CYTH1: variants seen among roughly 807,000 people sequenced by gnomAD.
CYTH1 encodes cytohesin-1.
Under a neutral mutation model 61.8 loss-of-function variants are expected in CYTH1, and 18 were observed. The observed-to-expected ratio is 0.29, with a 90% CI of 0.20 to 0.43. CYTH1 has a LOEUF of 0.43. CYTH1 is among the 20% of genes least tolerant of loss of function. The pLI is 1.00. For synonymous variants in CYTH1, 174 were observed against 184.3 expected (o/e 0.94, Z 0.45); for missense variants, 336 against 510.5 (o/e 0.66, Z 3.29).
At chr17:78,754,885 T>C (rs1256730525) in intron 1 of CYTH1, among the ~76,000 whole-genome samples, 1 of 152,130 alleles carries the variant, frequency 6.6e-6, no homozygotes, top group Non-Finnish European at 1.5e-5. Context: ...TAACCTCTAT[T>C]ATATTTTATA....
At chr17:78,733,724 G>A (rs913649297) in intron 1 of CYTH1, among the ~76,000 whole-genome samples, 1 of 152,242 alleles carries the variant, frequency 6.6e-6, no homozygotes, top group Non-Finnish European at 1.5e-5. Flanking sequence ...GAACTTGAAG[G>A]ACCAACGGAT....
chr17:78,719,504 G>A (rs1432390345), intron 1 of CYTH1, among the ~76,000 whole-genome samples: 1 of 152,160 alleles, frequency 6.6e-6, no homozygotes, highest in East Asian at 1.9e-4. Context: ...GCTTGGTTTA[G>A]GGGAACTTTT....
rs1598850545 is a variant in CYTH1 at position 78,701,974 on chromosome 17, C to T, written c.356+148G>A. On this transcript the variant is annotated intron_variant, in intron 5 of 13. Coordinates refer to ENST00000446868, the MANE Select transcript of CYTH1 (RefSeq NM_004762.6). The stretch of plus-strand genomic sequence containing the variant: ...CCCAGAAAAGACCCATCACTATTCC[C>T]CAGAAAAGCCTCCCCTCAACTCCAG... 6 of 778,956 alleles carry T rather than the reference C, an allele frequency of 7.7e-6. No homozygotes were observed. The East Asian group carries it at 1.5e-4, about 19-fold the overall frequency. 48.3% of individuals were successfully genotyped at this position (778,956 alleles called of 1,614,324 possible).
intron 1 of CYTH1, among the ~76,000 whole-genome samples, chr17:78,776,917 G>A (rs1052343559): frequency 2.0e-5 from 3 of 150,090 alleles, no homozygotes; most frequent in Non-Finnish European, 4.4e-5. Context: ...CCTGAGGTCG[G>A]GAGTTCGAGA....
intron 1 of CYTH1, among the ~76,000 whole-genome samples, chr17:78,732,092 C>T (rs2093297978): frequency 6.6e-6 from 1 of 152,220 alleles, no homozygotes; most frequent in Non-Finnish European, 1.5e-5. Context: ...AACTCTACCT[C>T]CTATCTGCAT....
intron 1 of CYTH1, among the ~76,000 whole-genome samples, chr17:78,719,776 G>A (rs1301477916): frequency 6.6e-6 from 1 of 152,174 alleles, no homozygotes; most frequent in Admixed American, 6.5e-5. Context: ...TAGCAAAGGG[G>A]TGTGACTAGA....
At chr17:78,764,543 T>G (rs1398808354) in intron 1 of CYTH1, among the ~76,000 whole-genome samples, 3 of 152,124 alleles carry the variant, frequency 2.0e-5, no homozygotes, top group African/African-American at 4.8e-5. Flanking sequence ...AAGTCAACAG[T>G]GAGGAACTCA....
At chr17:78,687,716 G>A (rs1212241113) in intron 11 of CYTH1, among the ~76,000 whole-genome samples, 1 of 152,208 alleles carries the variant, frequency 6.6e-6, no homozygotes, top group African/African-American at 2.4e-5. Context: ...TTTGAAAGCA[G>A]CCACTTGATC....
chr17:78,776,300 T>A (rs1244891757), intron 1 of CYTH1, among the ~76,000 whole-genome samples: 2 of 152,072 alleles, frequency 1.3e-5, no homozygotes, highest in African/African-American at 2.4e-5. Flanking sequence ...TCCCTTAAAG[T>A]GCATTATATG....
chr17:78,753,803 T>A (rs2093390100), intron 1 of CYTH1, among the ~76,000 whole-genome samples: 1 of 152,216 alleles, frequency 6.6e-6, no homozygotes. Flanking sequence ...TTCTTTAGAG[T>A]AACCTTTAAT....
intron 10 of CYTH1, among the ~76,000 whole-genome samples, chr17:78,692,826 A>G (rs946430185): frequency 6.6e-6 from 1 of 152,094 alleles, no homozygotes; most frequent in African/African-American, 2.4e-5. Context: ...CAAAAAGCCT[A>G]TGTGGTAGAA....
chr17:78,694,354 C>A (rs557311927), intron 10 of CYTH1, among the ~76,000 whole-genome samples: 1 of 152,228 alleles, frequency 6.6e-6, no homozygotes, highest in African/African-American at 2.4e-5. Flanking sequence ...GACTCTCCCT[C>A]CAGTAACTTC....
chr17:78,755,625 C>T (rs1207301953), intron 1 of CYTH1, among the ~76,000 whole-genome samples: 2 of 151,806 alleles, frequency 1.3e-5, no homozygotes, highest in South Asian at 2.1e-4. Context: ...TGCCTGGGGC[C>T]GGGGTAGAGG....
chr17:78,757,570 A>G (rs2093406746), intron 1 of CYTH1, among the ~76,000 whole-genome samples: 1 of 152,180 alleles, frequency 6.6e-6, no homozygotes, highest in South Asian at 2.1e-4. Context: ...TTCTTAGAAC[A>G]AAGTTCATTC....
At chr17:78,694,838 T>C (rs947835475) in intron 10 of CYTH1, among the ~76,000 whole-genome samples, 2 of 152,142 alleles carry the variant, frequency 1.3e-5, no homozygotes. Flanking sequence ...ATTTGTTGCA[T>C]TACAGAGACC....
At position 78,753,991 on chromosome 17, in the gene CYTH1, C is replaced by T. The variant is rs58236221; in HGVS notation, c.22+28211G>A. 5.8e-3 allele frequency among the ~76,000 whole-genome samples: 890 copies of T among 152,280 alleles called. 40 individuals carry two copies. The East Asian group carries it at 0.11, about 19-fold the overall frequency. On this transcript the variant is annotated intron_variant, in intron 1 of 13. Transcript: ENST00000446868. ...AGTGGTAATGACATCATCAATCCAG[C>T]GTACTGCAAACACCTGGCTGATGGC...
intron 1 of CYTH1, among the ~76,000 whole-genome samples, chr17:78,772,377 A>C (rs976321244): frequency 6.6e-6 from 1 of 152,240 alleles, no homozygotes; most frequent in Admixed American, 6.5e-5. Context: ...CAATCTTCTA[A>C]TTCTTACTAT....
At chr17:78,689,117 C>T (rs760850107) in intron 11 of CYTH1, among the ~76,000 whole-genome samples, 24 of 152,188 alleles carry the variant, frequency 1.6e-4, no homozygotes, top group Non-Finnish European at 2.6e-4. Context: ...AGGCCATGCA[C>T]GGACTGAAAT....
rs2092978886 is a variant in CYTH1 at position 78,699,050 on chromosome 17, A to G, written c.551-82T>C. ...TCCCACCCGCAAGAGCAAGAGTGGT[A>G]TCAGATGAAATCAGGAATAAAAAAC... On this transcript the variant is annotated intron_variant, in intron 7 of 13. Coordinates refer to ENST00000446868, the MANE Select transcript of CYTH1 (RefSeq NM_004762.6). 4.7e-6 allele frequency: 7 copies of G among 1,489,116 alleles called. No homozygotes were observed. The East Asian group carries it at 1.6e-4, about 35-fold the overall frequency. 92.2% of individuals were successfully genotyped at this position (1,489,116 alleles called of 1,614,324 possible).
Sources: gnomAD v4.1 joint callset for allele counts (sites outside exome capture counted in the v4.1 genomes callset) on GRCh38, gnomAD v4.1.1 for gene constraint, MANE v1.5 for transcripts, NCBI Gene and HGNC (gene_info 2026-07-23, HGNC 2026-07-21) for gene names.